ABR: variants seen among roughly 807,000 people sequenced by gnomAD.
ABR encodes the protein ABR activator of RhoGEF and GTPase.
Under a neutral mutation model 107.2 loss-of-function variants are expected in ABR, and 35 were observed. The observed-to-expected ratio is 0.33, with a 90% CI of 0.25 to 0.43. The LOEUF is 0.43. Ranked by LOEUF, ABR falls within the 20% of genes least tolerant of loss-of-function variation. The probability of loss-of-function intolerance (pLI) is 1.00; values close to 1 mark genes in which losing one functional copy is unlikely to be tolerated. For synonymous variants in ABR, 498 were observed against 462.0 expected, an observed-to-expected ratio of 1.08 and a Z score of -1.00; for missense variants, 815 against 1,115.2, an observed-to-expected ratio of 0.73 and a Z score of 3.83.
At chr17:1,107,079 G>C (rs928919517) in intron 2 of ABR, among the ~76,000 whole-genome samples, 2 of 152,254 alleles carry the variant, frequency 1.3e-5, no homozygotes, top group Admixed American at 6.5e-5. Context: ...AATTCTAGAG[G>C]TGTTCAGGAT....
At chr17:1,111,020 G>A (rs1275885149) in intron 2 of ABR, among the ~76,000 whole-genome samples, 1 of 152,198 alleles carries the variant, frequency 6.6e-6, no homozygotes, top group African/African-American at 2.4e-5. Flanking sequence ...TGCCAGCTCA[G>A]GGCCTGGTAC....
In ABR at chr17:1,011,160, T is replaced by G; in HGVS notation, c.2102-297A>C. On this transcript the variant is annotated intron_variant, in intron 19 of 22. Coordinates refer to ENST00000302538, the MANE Select transcript of ABR (RefSeq NM_021962.5). This position sits in a 1 kb window ranked among gnomAD's most constrained non-coding sequence, Gnocchi z 4.8. Reference sequence around the variant, plus strand: ...ACATTCATACCATGTGGCCTGCAGCTTCCTTCCGACTGGAACCTCTCCATC... The same window carrying G: ...ACATTCATACCATGTGGCCTGCAGCGTCCTTCCGACTGGAACCTCTCCATC... 2.5e-6 allele frequency: 1 copy of G among 401,666 alleles called. No homozygotes were observed. Among genetic ancestry groups the G allele is most frequent in the Non-Finnish European group, 4.6e-6 (1 of 215,338 alleles). The allele number at this position is 401,666 out of a possible 1,614,324, so 24.9% of individuals were successfully genotyped here. A position where few individuals can be genotyped will look rare whatever the true frequency, so the allele number is the denominator to read the frequency against.
chr17:1,131,087 G>A (rs961990189), intron 1 of ABR, among the ~76,000 whole-genome samples: 69 of 60,530 alleles, frequency 1.1e-3, no homozygotes, highest in African/African-American at 4.5e-3. Context: ...CACACAGCTC[G>A]CCCCTTTGCA....
intron 16 of ABR, among the ~76,000 whole-genome samples, chr17:1,030,662 G>A (rs554795947): frequency 1.7e-4 from 26 of 152,354 alleles, no homozygotes; most frequent in African/African-American, 4.8e-4. Flanking sequence ...AGATCACTTC[G>A]TCCTGGCTGA....
At chr17:1,057,641 C>T (rs1395881266) in intron 12 of ABR, among the ~76,000 whole-genome samples, 1 of 129,536 alleles carries the variant, frequency 7.7e-6, no homozygotes, top group Non-Finnish European at 1.6e-5. Flanking sequence ...CGTACCCAGC[C>T]TCTGTGTATG....
rs981299855 is a variant in ABR at position 1,078,378 on chromosome 17, G to A, written c.700+952C>T. Among the ~76,000 whole-genome samples, 9 of 152,042 alleles carry A rather than the reference G, an allele frequency of 5.9e-5. No homozygotes were observed. The highest frequency in any genetic ancestry group is 1.2e-4 in the African/African-American group (5 of 41,386). The stretch of plus-strand genomic sequence containing the variant: ...AACTCCCAACTTCTCCCTCTGGCTC[G>A]CGCTGGCACCCTCTCGGCTGGCAAC... On this transcript the variant is annotated intron_variant, in intron 6 of 22. Coordinates refer to ENST00000302538, the MANE Select transcript of ABR (RefSeq NM_021962.5). The surrounding 1 kb of genome is among the most constrained non-coding windows in gnomAD (Gnocchi z 7.5).
chr17:1,091,249 C>T (rs959631360), intron 4 of ABR, among the ~76,000 whole-genome samples: 3 of 152,124 alleles, frequency 2.0e-5, no homozygotes, highest in African/African-American at 7.2e-5. Flanking sequence ...CAGCAAGAAG[C>T]CTTCATTCCA....
chr17:1,026,727 G>T (rs1018240102), intron 16 of ABR, among the ~76,000 whole-genome samples: 5 of 152,218 alleles, frequency 3.3e-5, no homozygotes, highest in Non-Finnish European at 5.9e-5. Flanking sequence ...CTGGGGGGCC[G>T]TCAGGACACA....
intron 16 of ABR, among the ~76,000 whole-genome samples, chr17:1,021,695 T>TCA (rs2071668656): frequency 6.6e-6 from 1 of 150,404 alleles, no homozygotes; most frequent in East Asian, 2.0e-4. Context: ...TCCCAGCTAC[T>TCA]GGGGAGGCTG....
Position 1,005,619 on chromosome 17 carries a change from G to A in ABR, c.*461C>T. ...AGAGCGGGTGGAGGAAGACTGAGGG[G>A]AGGCTGCCAGGAGACCGCCATCTGG... is the stretch of plus-strand genomic sequence containing the variant. On this transcript the variant is annotated 3_prime_UTR_variant, in exon 23 of 23. Coordinates refer to ENST00000302538, the MANE Select transcript of ABR (RefSeq NM_021962.5). 1 of 200,912 alleles carries A rather than the reference G, an allele frequency of 5.0e-6. No individual in the cohort carries two copies. Among genetic ancestry groups the A allele is most frequent in the Non-Finnish European group, 1.0e-5 (1 of 99,430 alleles). 12.4% of individuals were successfully genotyped at this position (200,912 alleles called of 1,614,324 possible).
chr17:1,112,563 C>G (rs1393163740), intron 2 of ABR, among the ~76,000 whole-genome samples: 1 of 147,414 alleles, frequency 6.8e-6, no homozygotes, highest in Non-Finnish European at 1.5e-5. Flanking sequence ...CACCACTGCA[C>G]TCCAGCCTGG....
In ABR at chr17:1,072,686, G is replaced by C. The variant is rs745479021; in HGVS notation, c.822C>G (p.Ser274=). ...CGTTGATGCTGGACAGGAAGTTCTG[G>C]GAGATGCGGAGGGCATCCTGCAGCA... is the stretch of plus-strand genomic sequence containing the variant. ...YPLLQDALRI[S]QNFLSSINED... Residue 274 remains serine, a synonymous_variant, in exon 8 of 23, where the codon TCC becomes TCG. Transcript: ENST00000302538. The C allele has an allele frequency of 6.2e-7, 1 of 1,613,566 alleles. No homozygotes were observed. The highest frequency in any genetic ancestry group is 8.5e-7 in the Non-Finnish European group (1 of 1,179,848).
intron 2 of ABR, among the ~76,000 whole-genome samples, chr17:1,101,985 G>A (rs533822058): frequency 9.2e-5 from 14 of 152,016 alleles, no homozygotes; most frequent in Non-Finnish European, 1.5e-4. Flanking sequence ...CGCCCGCCTT[G>A]GCCTCCCAAA....
intron 16 of ABR, among the ~76,000 whole-genome samples, chr17:1,035,276 A>T (rs2073079388): frequency 6.6e-6 from 1 of 150,700 alleles, no homozygotes; most frequent in African/African-American, 2.5e-5. Flanking sequence ...AGCTCAGGCT[A>T]TCCCAACCAC....
At chr17:1,093,486 C>T (rs2037175293) in intron 3 of ABR, among the ~76,000 whole-genome samples, 1 of 152,018 alleles carries the variant, frequency 6.6e-6, no homozygotes, top group Admixed American at 6.6e-5. Context: ...AAAAACGAGG[C>T]TTAGACTTAA....
chr17:1,042,788 C>A (rs1408628311), intron 16 of ABR, among the ~76,000 whole-genome samples: 2 of 147,802 alleles, frequency 1.4e-5, no homozygotes, highest in African/African-American at 5.0e-5. Flanking sequence ...GCACCTATAT[C>A]CACAGACGGA....
At chr17:1,224,225 A>G (rs1267650975) in intron 1 of ABR, among the ~76,000 whole-genome samples, 3 of 151,888 alleles carry the variant, frequency 2.0e-5, no homozygotes, top group Non-Finnish European at 4.4e-5. Flanking sequence ...CACCACACCA[A>G]CACGGCCTGG....
intron 2 of ABR, among the ~76,000 whole-genome samples, chr17:1,120,188 A>G (rs1251723731): frequency 6.6e-6 from 1 of 152,216 alleles, no homozygotes; most frequent in African/African-American, 2.4e-5. Context: ...AAGGTTCAGC[A>G]CAAGCCTCTC....
chr17:1,009,263 G>A (rs1332040045), intron 21 of ABR, among the ~76,000 whole-genome samples: 1 of 92,094 alleles, frequency 1.1e-5, no homozygotes, highest in Admixed American at 1.6e-4. Context: ...CCCCACTGCT[G>A]TCCACCCCCC....
Sources: allele counts gnomAD v4.1 joint callset (sites outside exome capture counted in the v4.1 genomes callset), GRCh38; gene constraint gnomAD v4.1.1; non-coding constraint Gnocchi (gnomAD v3.1); transcripts MANE v1.5; gene names NCBI Gene and HGNC (gene_info 2026-07-23, HGNC 2026-07-21).